FSD1L: variants seen among roughly 807,000 people sequenced by gnomAD.
FSD1L encodes FSD1-like protein.
A neutral mutation model predicts 71.6 loss-of-function variants in FSD1L; 45 were observed. The ratio of observed to expected loss-of-function variants is 0.63; its 90% CI spans 0.49 to 0.81. The LOEUF (loss-of-function observed/expected upper bound fraction) is 0.81, where lower values mean the gene tolerates loss of function less well. Ranked by LOEUF, FSD1L falls within the 30% of genes least tolerant of loss-of-function variation. The probability of loss-of-function intolerance (pLI) is 0.00; values close to 1 mark genes in which losing one functional copy is unlikely to be tolerated. For synonymous variants in FSD1L, 197 were observed against 207.2 expected (o/e 0.95, Z 0.42); for missense variants, 561 against 618.1 (o/e 0.91, Z 0.98).
At chr9:105,459,624 A>G (rs1361588740) in intron 1 of FSD1L, among the ~76,000 whole-genome samples, 2 of 152,234 alleles carry the variant, frequency 1.3e-5, no homozygotes, top group Admixed American at 6.5e-5. Flanking sequence ...AGCTTAGCAG[A>G]GAGGCAGCAT....
chr9:105,514,126 A>T (rs1024071234), intron 10 of FSD1L, among the ~76,000 whole-genome samples: 1 of 152,244 alleles, frequency 6.6e-6, no homozygotes, highest in Non-Finnish European at 1.5e-5. Flanking sequence ...TTCAATTTGC[A>T]TGAGTAATAA....
intron 3 of FSD1L, among the ~76,000 whole-genome samples, chr9:105,467,596 A>G (rs1489930449): frequency 6.6e-6 from 1 of 152,232 alleles, no homozygotes; most frequent in Non-Finnish European, 1.5e-5. Context: ...TACAAATTCT[A>G]GTCATTAGAT....
At chr9:105,516,949 A>C (rs1165717507) in intron 10 of FSD1L, among the ~76,000 whole-genome samples, 2 of 152,230 alleles carry the variant, frequency 1.3e-5, no homozygotes, top group East Asian at 3.8e-4. Flanking sequence ...ATGAATTGCT[A>C]ACTAGAATAA....
At chr9:105,496,637 C>T (rs1833426311) in intron 7 of FSD1L, among the ~76,000 whole-genome samples, 1 of 152,158 alleles carries the variant, frequency 6.6e-6, no homozygotes, top group Non-Finnish European at 1.5e-5. Context: ...CAAAAGATTT[C>T]ATTTTGGGGG....
At chr9:105,458,995 C>T (rs193042779) in intron 1 of FSD1L, among the ~76,000 whole-genome samples, 44 of 152,314 alleles carry the variant, frequency 2.9e-4, no homozygotes, top group Non-Finnish European at 5.4e-4. Flanking sequence ...TATTTTAGAT[C>T]TTTTCTGCTC....
At chr9:105,505,428 T>C (rs1195576454) in intron 7 of FSD1L, among the ~76,000 whole-genome samples, 1 of 152,148 alleles carries the variant, frequency 6.6e-6, no homozygotes, top group African/African-American at 2.4e-5. Context: ...ACCTGGCTAA[T>C]TTTTGTGTTT....
chr9:105,455,244 C>G (rs1830290472), intron 1 of FSD1L, among the ~76,000 whole-genome samples: 1 of 152,194 alleles, frequency 6.6e-6, no homozygotes, highest in South Asian at 2.1e-4. Context: ...TGGACCTTTT[C>G]TGTATATAAG....
At chr9:105,538,043 T>TAA (rs1355185746) in intron 12 of FSD1L, among the ~76,000 whole-genome samples, 2 of 152,076 alleles carry the variant, frequency 1.3e-5, no homozygotes, top group Admixed American at 1.3e-4. Flanking sequence ...ATAGGGAACA[T>TAA]AGAGTTTTGG....
At position 105,479,349 on chromosome 9, in the gene FSD1L, C is replaced by T; in HGVS notation, c.442-5C>T. On this transcript the variant is annotated splice_polypyrimidine_tract_variant and splice_region_variant and intron_variant, in intron 5 of 13. Transcript: ENST00000481272. ...TTCTTTCTCTTCTCCCTGATTGGCT[C>T]CAAGGCTGCCAGACAGATCAAGGAT... The T allele has an allele frequency of 6.4e-7, 1 of 1,550,430 alleles. No individual in the cohort carries two copies. Among genetic ancestry groups the T allele is most frequent in the South Asian group, 1.2e-5 (1 of 83,884 alleles).
intron 10 of FSD1L, chr9:105,530,701 A>G (rs1835837692): frequency 3.8e-6 from 2 of 524,870 alleles, no homozygotes; most frequent in Non-Finnish European, 6.8e-6. Context: ...TGGGGAGGCA[A>G]ACTATCAGTG....
At chr9:105,471,724 T>TTTTATATA (rs376687715) in intron 4 of FSD1L, among the ~76,000 whole-genome samples, 180 bp from the exon 5 acceptor site, 30 of 143,328 alleles carry the variant, frequency 2.1e-4, no homozygotes, top group African/African-American at 6.5e-4. Context: ...ATAACACGTT[T>TTTTATATA]TATATATATA....
At chr9:105,537,511 G>A (rs1836343091) in intron 12 of FSD1L, among the ~76,000 whole-genome samples, 1 of 151,890 alleles carries the variant, frequency 6.6e-6, no homozygotes, top group African/African-American at 2.4e-5. Context: ...GTCCATAAAG[G>A]TAGTAGTGAG....
chr9:105,525,203 A>G, intron 10 of FSD1L: 1 of 1,603,090 alleles, frequency 6.2e-7, no homozygotes, highest in Non-Finnish European at 8.5e-7. Flanking sequence ...CTTAGAAGAT[A>G]TAACCGTAAA....
intron 1 of FSD1L, among the ~76,000 whole-genome samples, chr9:105,460,577 G>A (rs1221885091): frequency 7.0e-6 from 1 of 143,408 alleles, no homozygotes; most frequent in Non-Finnish European, 1.5e-5. Flanking sequence ...GGGTGACAGA[G>A]TGAGACTCCA....
At chr9:105,488,787 G>GT (rs1245734474) in intron 7 of FSD1L, among the ~76,000 whole-genome samples, 4 of 144,046 alleles carry the variant, frequency 2.8e-5, no homozygotes, top group African/African-American at 7.6e-5. Context: ...TGAGATGTCT[G>GT]TAAGGTCTTT....
chr9:105,534,249 A>G (rs1197223592), intron 10 of FSD1L, among the ~76,000 whole-genome samples: 2 of 151,992 alleles, frequency 1.3e-5, no homozygotes, highest in Non-Finnish European at 2.9e-5. Flanking sequence ...TCTTTGTATA[A>G]GCCTTGCTCA....
intron 1 of FSD1L, among the ~76,000 whole-genome samples, chr9:105,460,440 A>C (rs1431534916): frequency 1.3e-5 from 2 of 152,042 alleles, no homozygotes; most frequent in East Asian, 3.9e-4. Flanking sequence ...AAAATACAAA[A>C]AATTAGCCAG....
intron 10 of FSD1L, chr9:105,523,271 T>C: frequency 6.2e-7 from 1 of 1,603,664 alleles, no homozygotes; most frequent in Admixed American, 1.7e-5. Flanking sequence ...CTTCCCCTTC[T>C]ACATTGAATA....
At position 105,517,001 on chromosome 9, in the gene FSD1L, AAC is replaced by A. The variant is rs1293246097; in HGVS notation, c.1025+4069_1025+4070del. Among the ~76,000 whole-genome samples, 41 of 152,258 alleles carry A rather than the reference AAC, an allele frequency of 2.7e-4. 1 individual carries two copies. The highest frequency in any genetic ancestry group is 2.7e-3 in the Admixed American group (41 of 15,288). ...TATAAATGACCCGATGGAGCTGAAA[AAC>A]ACAGCACGAGAACTTCGTGAAGCAA... is the stretch of plus-strand genomic sequence containing the variant. On this transcript the variant is annotated intron_variant, in intron 10 of 13. Coordinates refer to ENST00000481272, the MANE Select transcript of FSD1L (RefSeq NM_001145313.3).
Sources: allele counts gnomAD v4.1 joint callset (sites outside exome capture counted in the v4.1 genomes callset), GRCh38; gene constraint gnomAD v4.1.1; transcripts MANE v1.5; gene names NCBI Gene and HGNC (gene_info 2026-07-23, HGNC 2026-07-21).